YEATS2: variants seen among roughly 807,000 people sequenced by gnomAD.
The protein encoded by YEATS2 is YEATS domain-containing protein 2.
YEATS2 carries 77 observed loss-of-function variants against 163.2 expected under a neutral mutation model. The observed-to-expected ratio is 0.47, with a 90% CI of 0.39 to 0.57. YEATS2 has a LOEUF of 0.57. YEATS2 is among the 20% of genes least tolerant of loss of function. The probability of loss-of-function intolerance (pLI) is 0.00; values close to 1 mark genes in which losing one functional copy is unlikely to be tolerated. For synonymous variants in YEATS2, 631 were observed against 645.1 expected, an observed-to-expected ratio of 0.98 and a Z score of 0.33; for missense variants, 1,549 against 1,729.8, an observed-to-expected ratio of 0.90 and a Z score of 1.85.
At position 183,756,573 on chromosome 3, in the gene YEATS2, C is replaced by T. The variant is rs778383898; in HGVS notation, c.1436C>T (p.Pro479Leu). ...TPSPSPLPRT[P>L]TSTPVHVKQG... ...AGCCCATCACCATTGCCTCGAACCC[C>T]GACTTCCACTCCAGTCCACGTGAAG... The change falls in exon 12 of 31, where the codon CCG becomes CTG. Residue 479 changes from proline to leucine, a missense_variant. By Grantham distance (98) the Pro-to-Leu change is moderately conservative. Transcript: ENST00000305135. The T allele has an allele frequency of 4.6e-5, 74 of 1,605,260 alleles. No homozygotes were observed. The highest frequency in any genetic ancestry group is 5.2e-5 in the Non-Finnish European group (61 of 1,176,158).
Position 183,716,121 on chromosome 3 carries a change from T to G in YEATS2, c.100+859T>G, listed in dbSNP as rs557701905. On this transcript the variant is annotated intron_variant, in intron 2 of 30. Coordinates refer to ENST00000305135, the MANE Select transcript of YEATS2 (RefSeq NM_018023.5). The stretch of plus-strand genomic sequence containing the variant: ...ACTACAGGCACCCGCCACCACGCCT[T>G]GCTAATATTTTGTATTTTTAGTAGA... Among the ~76,000 whole-genome samples, 22 of 151,994 alleles carry G rather than the reference T, an allele frequency of 1.4e-4. No individual in the cohort carries two copies. The South Asian group carries it at 2.7e-3, about 19-fold the overall frequency.
rs143473253 is a variant in YEATS2, at chr3:183,789,525, A to ATTTTTTTTT, written c.2914-1252_2914-1244dup. Among the ~76,000 whole-genome samples, 315 of 66,348 alleles carry ATTTTTTTTT rather than the reference A, an allele frequency of 4.7e-3. 60 individuals carry two copies. The highest frequency in any genetic ancestry group is 0.012 in the African/African-American group (170 of 14,614). 43.5% of individuals were successfully genotyped at this position (66,348 alleles called of 152,430 possible). On this transcript the variant is annotated intron_variant, in intron 20 of 30. Coordinates refer to ENST00000305135, the MANE Select transcript of YEATS2 (RefSeq NM_018023.5). ...TTAGGTTTCAGATTCATTCGAGTTA[A>ATTTTTTTTT]TTTTTTTTTTTTTTTTTTTTTTTTT...
At chr3:183,727,862 C>G (rs1002575398) in intron 6 of YEATS2, among the ~76,000 whole-genome samples, 3 of 151,976 alleles carry the variant, frequency 2.0e-5, no homozygotes, top group Non-Finnish European at 4.4e-5. Context: ...GAAATCAACC[C>G]GAAGGCTAGA....
At chr3:183,774,572 G>C (rs1447349517) in intron 17 of YEATS2, among the ~76,000 whole-genome samples, 1 of 152,186 alleles carries the variant, frequency 6.6e-6, no homozygotes, top group South Asian at 2.1e-4. Flanking sequence ...ACCTAGGTTT[G>C]TAAGTCTTAA....
In YEATS2 at chr3:183,752,260, C is replaced by G. The variant is rs1720251744; in HGVS notation, c.1150+7C>G. ...GATACCTCTGTGGAGAAAGGTAATACAGCAGTTTTCCTTGCATAGCGTTGT... is the reference window on the plus strand; with the variant it reads ...GATACCTCTGTGGAGAAAGGTAATAGAGCAGTTTTCCTTGCATAGCGTTGT... On this transcript the variant is annotated splice_region_variant and intron_variant, in intron 10 of 30. Transcript: ENST00000305135. 6.2e-7 allele frequency: 1 copy of G among 1,613,984 alleles called. No homozygotes were observed.
chr3:183,743,278 A>C (rs891741502), intron 8 of YEATS2, among the ~76,000 whole-genome samples: 1 of 152,180 alleles, frequency 6.6e-6, no homozygotes, highest in African/African-American at 2.4e-5. Flanking sequence ...ATTGTGAACT[A>C]TTTCTCATGC....
rs202025631 is a variant in YEATS2 at position 183,777,510 on chromosome 3, C to G, written c.2578-32C>G. The G allele has an allele frequency of 2.5e-6, 4 of 1,604,018 alleles. 1 individual carries two copies. The South Asian group carries it at 3.3e-5, about 13-fold the overall frequency. ...AGCCCATCTGAATTTAACAAATTAC[C>G]GATTAGTTCTTTATATTTTTTTCTA... On this transcript the variant is annotated intron_variant, in intron 18 of 30. Transcript: ENST00000305135.
chr3:183,738,708 C>G (rs1313431937), intron 8 of YEATS2, among the ~76,000 whole-genome samples: 1 of 135,100 alleles, frequency 7.4e-6, no homozygotes, highest in Non-Finnish European at 1.6e-5. Context: ...CAATTTCATC[C>G]ATGTCCCTAC....
rs540183109 is a variant in YEATS2, at chr3:183,807,446, C to T, written c.4011+354C>T. The T allele has an allele frequency of 7.4e-4, 223 of 300,920 alleles. 1 individual carries two copies. The Middle Eastern group carries it at 8.1e-3, about 11-fold the overall frequency. 18.6% of individuals were successfully genotyped at this position (300,920 alleles called of 1,614,324 possible). A position where few individuals can be genotyped will look rare whatever the true frequency, so the allele number is the denominator to read the frequency against. On this transcript the variant is annotated intron_variant, in intron 28 of 30. Transcript: ENST00000305135. ...AGAAGCACCTTTCCCTCATGAGGCA[C>T]GTCGTACTCTTTCTGAGTTGCACGT...
At chr3:183,738,391 CTTTTTTTTTTTTT>C (rs1173865612) in intron 8 of YEATS2, among the ~76,000 whole-genome samples, 27 of 74,042 alleles carry the variant, frequency 3.6e-4, no homozygotes, top group Admixed American at 7.5e-4. Flanking sequence ...AGGAAAAGTT[CTTTTTTTTTTTTT>C]TTTTTTTTTT....
chr3:183,809,519 A>C lies in YEATS2; in HGVS notation c.4160+349A>C, dbSNP rs369686671. 1.1e-4 allele frequency: 19 copies of C among 170,348 alleles called. 1 individual carries two copies. Among genetic ancestry groups the C allele is most frequent in the Admixed American group, 5.0e-4 (8 of 16,108 alleles). The allele number at this position is 170,348 out of a possible 1,614,324, so 10.6% of individuals were successfully genotyped here. On this transcript the variant is annotated intron_variant, in intron 30 of 30. Transcript: ENST00000305135. Reference sequence around the variant, plus strand: ...GGGCCAAGCGTTGCATATATTACCTAATTTGTTTTTCATTGCAGAACTATT... The same window carrying C: ...GGGCCAAGCGTTGCATATATTACCTCATTTGTTTTTCATTGCAGAACTATT...
intron 2 of YEATS2, among the ~76,000 whole-genome samples, chr3:183,717,147 C>T (rs1169198333): frequency 6.6e-6 from 1 of 151,986 alleles, no homozygotes; most frequent in African/African-American, 2.4e-5. Flanking sequence ...CCTGTCTGGG[C>T]CTCCTAGAGT....
chr3:183,776,091 T>TA lies in YEATS2; in HGVS notation c.2546dup (p.Tyr849Ter). ...TGGAGGGATATCTCAGCACCTGACT[T>TA]ACACATCTTACATCCTCAAGCAAAC... Reference protein sequence around the residue: ...GPGGISQHLTYTSYILKQTPQ... With the variant: ...GPGGISQHLT The change falls in exon 18 of 31, where the codon TAC (tyrosine) becomes TAAC (stop). Residue 849 changes from tyrosine to a stop codon, truncating the protein, a stop_gained and frameshift_variant. Coordinates refer to ENST00000305135, the MANE Select transcript of YEATS2 (RefSeq NM_018023.5). LOFTEE classifies it high-confidence loss of function. The TA allele has an allele frequency of 6.2e-7, 1 of 1,600,028 alleles. No individual in the cohort carries two copies. The highest frequency in any genetic ancestry group is 8.5e-7 in the Non-Finnish European group (1 of 1,173,386).
rs200048624 is a variant in YEATS2 at position 183,722,278 on chromosome 3, C to CTTTTTTT, written c.537+164_537+170dup. The stretch of plus-strand genomic sequence containing the variant: ...TCCTTTTATAATGGGGAAACCAAAT[C>CTTTTTTT]TTTTTTTTTTTTTTTTTTTTTTTTT... On this transcript the variant is annotated intron_variant, in intron 5 of 30. Coordinates refer to ENST00000305135, the MANE Select transcript of YEATS2 (RefSeq NM_018023.5). 181 of 310,382 alleles carry CTTTTTTT rather than the reference C, an allele frequency of 5.8e-4. 19 individuals are homozygous for CTTTTTTT. In the African/African-American group the frequency reaches 7.9e-3, roughly 14 times the overall value. The allele number at this position is 310,382 out of a possible 1,614,324, so 19.2% of individuals were successfully genotyped here. A position where few individuals can be genotyped will look rare whatever the true frequency, so the allele number is the denominator to read the frequency against.
intron 12 of YEATS2, 55 bp from the exon 13 acceptor site, chr3:183,758,807 A>G: frequency 8.1e-7 from 1 of 1,241,172 alleles, no homozygotes; most frequent in Admixed American, 2.1e-5. Context: ...ATGCTTTAAA[A>G]TTACCTTTTG....
At chr3:183,765,075 A>G (rs1721766813) in intron 15 of YEATS2, among the ~76,000 whole-genome samples, 1 of 152,222 alleles carries the variant, frequency 6.6e-6, no homozygotes. Flanking sequence ...ATTCGTAGCC[A>G]GAATGACTAA....
intron 23 of YEATS2, among the ~76,000 whole-genome samples, chr3:183,799,637 C>T (rs1725473093): frequency 6.6e-6 from 1 of 152,102 alleles, no homozygotes; most frequent in African/African-American, 2.4e-5. Flanking sequence ...ATTAGAGCAA[C>T]ACGTGTGACA....
At chr3:183,702,833 C>CAAA (rs202062121) in intron 1 of YEATS2, among the ~76,000 whole-genome samples, 69 of 140,390 alleles carry the variant, frequency 4.9e-4, no homozygotes, top group Middle Eastern at 7.5e-3. Context: ...CTCTCTCTCT[C>CAAA]AAAAAAAAAA....
At chr3:183,795,194 AAAAAGAAT>A (rs147237938) in intron 21 of YEATS2, among the ~76,000 whole-genome samples, 30 of 151,822 alleles carry the variant, frequency 2.0e-4, no homozygotes, top group Admixed American at 2.0e-4. Flanking sequence ...AGAAAAAGAA[AAAAAGAAT>A]AAACCATCTA....
Sources: gnomAD v4.1 joint callset for allele counts (sites outside exome capture counted in the v4.1 genomes callset) on GRCh38, gnomAD v4.1.1 for gene constraint, MANE v1.5 for transcripts, NCBI Gene and HGNC (gene_info 2026-07-23, HGNC 2026-07-21) for gene names.